The following FANCB variants were observed in gnomAD, a reference collection of about 807,000 sequenced individuals.
FANCB encodes the protein FA complementation group B.
Under a neutral mutation model 38.9 loss-of-function variants are expected in FANCB, and 5 were observed. The observed-to-expected ratio is 0.13, with a 90% CI of 0.07 to 0.27. The LOEUF (loss-of-function observed/expected upper bound fraction) is 0.27, where lower values mean the gene tolerates loss of function less well. Among genes scored for constraint, FANCB ranks in the 10% least tolerant of loss-of-function variants. The pLI is 1.00. For missense variants in FANCB, 573 were observed against 602.7 expected (o/e 0.95, Z 0.52); for synonymous variants, 236 against 215.4 (o/e 1.10, Z -0.84).
chrX:14,848,457 C>G (rs1217452227), intron 7 of FANCB, among the ~76,000 whole-genome samples: 1 of 111,773 alleles, frequency 8.9e-6, no homozygotes, highest in Non-Finnish European at 1.9e-5. Flanking sequence ...TAAACACCCT[C>G]ATCTTGCCAC....
In FANCB at chrX:14,845,201, T is replaced by C. The variant is rs749342600; in HGVS notation, c.1582A>G (p.Ile528Val). ...GGGAAAGGATTTGTACTCAACTTAA[T>C]CACCCTATTTTGACACTTTAGAAGC... The part of the protein sequence containing the change: ...FRLLKCQNRV[I>V]KLSTNPFPAP... Residue 528 changes from isoleucine (I) to valine (V), a missense_variant, in exon 8 of 10, where the codon ATT becomes GTT. Transcript: ENST00000650831. The C allele has an allele frequency of 1.7e-6, 2 of 1,209,337 alleles. No homozygotes were observed. Among genetic ancestry groups the C allele is most frequent in the South Asian group, 1.8e-5 (1 of 56,919 alleles).
At chrX:14,766,323 T>C in the FANCB span, among the ~76,000 whole-genome samples, 5 of 112,318 alleles carry the variant, frequency 4.5e-5, no homozygotes, top group African/African-American at 1.6e-4. Flanking sequence ...AACAAAATTT[T>C]ATTGAGTGCT....
the FANCB span, among the ~76,000 whole-genome samples, chrX:14,690,468 T>G: frequency 8.9e-6 from 1 of 111,838 alleles, no homozygotes; most frequent in Non-Finnish European, 1.9e-5. Context: ...TTGGAGCTGG[T>G]CTCAGGAATA....
At chrX:14,778,007 T>C in the FANCB span, among the ~76,000 whole-genome samples, 1 of 111,464 alleles carries the variant, frequency 9.0e-6, no homozygotes, top group African/African-American at 3.3e-5. Context: ...CTCCCTGCCT[T>C]CCTCCTCAAT....
the FANCB span, among the ~76,000 whole-genome samples, chrX:14,775,160 G>GTTT: frequency 0.071 from 2,459 of 34,779 alleles, 434 homozygotes; most frequent in Non-Finnish European, 0.12. Context: ...TTTCTCTAAT[G>GTTT]TTTTTTTTTT....
chrX:14,767,889 A>G, the FANCB span, among the ~76,000 whole-genome samples: 1 of 112,164 alleles, frequency 8.9e-6, no homozygotes, highest in East Asian at 2.8e-4. Flanking sequence ...GTCCAGTTTC[A>G]GTTTTCTGCA....
intron 7 of FANCB, among the ~76,000 whole-genome samples, chrX:14,847,332 T>C (rs1368859966): frequency 9.0e-6 from 1 of 111,594 alleles, no homozygotes; most frequent in Non-Finnish European, 1.9e-5. Context: ...GAATAAAATT[T>C]ATGATAATAC....
At chrX:14,871,995 G>C (rs1395905645) in intron 1 of FANCB, among the ~76,000 whole-genome samples, 7 of 110,948 alleles carry the variant, frequency 6.3e-5, no homozygotes, top group Middle Eastern at 4.6e-3. Context: ...TTGCAGATAA[G>C]AAGTGACAGA....
the FANCB span, among the ~76,000 whole-genome samples, chrX:14,797,404 T>A: frequency 1.8e-5 from 2 of 112,372 alleles, no homozygotes. Flanking sequence ...GTCACTAGGC[T>A]GAGCACATGG....
At chrX:14,784,271 C>G in the FANCB span, among the ~76,000 whole-genome samples, 3 of 112,565 alleles carry the variant, frequency 2.7e-5, no homozygotes, top group African/African-American at 9.7e-5. Flanking sequence ...AGAAGTCTGA[C>G]ACAGGTCTCA....
chrX:14,844,296 C>T (rs1290754442), intron 9 of FANCB, among the ~76,000 whole-genome samples: 1 of 110,704 alleles, frequency 9.0e-6, no homozygotes, highest in Non-Finnish European at 1.9e-5. Flanking sequence ...TTACTAGGCA[C>T]TAAAAAAAGC....
At chrX:14,718,104 C>T in the FANCB span, among the ~76,000 whole-genome samples, 1 of 110,833 alleles carries the variant, frequency 9.0e-6, no homozygotes, top group Non-Finnish European at 1.9e-5. Context: ...GCTAGTTCTT[C>T]AGGGATATGA....
the FANCB span, among the ~76,000 whole-genome samples, chrX:14,738,309 T>G: frequency 8.9e-6 from 1 of 112,252 alleles, no homozygotes; most frequent in Non-Finnish European, 1.9e-5. Context: ...GGATTTTATT[T>G]TGGACATTTT....
At chrX:14,756,216 C>T in the FANCB span, among the ~76,000 whole-genome samples, 4 of 111,694 alleles carry the variant, frequency 3.6e-5, no homozygotes, top group Non-Finnish European at 5.6e-5. Flanking sequence ...AATAATAACA[C>T]TAGAAAAAGA....
the FANCB span, among the ~76,000 whole-genome samples, chrX:14,810,857 A>G: frequency 1.8e-5 from 2 of 111,425 alleles, no homozygotes; most frequent in African/African-American, 3.3e-5. Context: ...TCCAAGACAC[A>G]TAATTGTCAG....
chrX:14,714,267 A>G, the FANCB span, among the ~76,000 whole-genome samples: 1 of 111,366 alleles, frequency 9.0e-6, no homozygotes, highest in South Asian at 3.8e-4. Flanking sequence ...ACACTTGGCA[A>G]TGTCTTGAGA....
chrX:14,853,920 T>C (rs777205796), intron 5 of FANCB, among the ~76,000 whole-genome samples: 1 of 112,464 alleles, frequency 8.9e-6, no homozygotes, highest in African/African-American at 3.2e-5. Flanking sequence ...CAGGTGGATA[T>C]CTGAGGCTGT....
chrX:14,691,409 A>G, the FANCB span, among the ~76,000 whole-genome samples: 1 of 110,441 alleles, frequency 9.1e-6, no homozygotes, highest in Non-Finnish European at 1.9e-5. Flanking sequence ...TGCCGTACCC[A>G]TGTAGATTGC....
chrX:14,831,929 TAA>T (rs1256242545), downstream of FANCB, among the ~76,000 whole-genome samples: 1 of 111,288 alleles, frequency 9.0e-6, no homozygotes, highest in African/African-American at 3.3e-5. Flanking sequence ...CAAAAAAAAT[TAA>T]AAGATATTTA....
Sources: gnomAD v4.1 joint callset for allele counts (sites outside exome capture counted in the v4.1 genomes callset) on GRCh38, gnomAD v4.1.1 for gene constraint, MANE v1.5 for transcripts, NCBI Gene and HGNC (gene_info 2026-07-23, HGNC 2026-07-21) for gene names.